Variants in TENM1 observed in about 807,000 individuals in gnomAD.
TENM1 encodes teneurin-1.
In TENM1, 35 loss-of-function variants were observed where a neutral mutation model predicts 174.8. The observed-to-expected ratio is 0.20, with a 90% confidence interval of 0.15 to 0.27. The LOEUF is 0.27. Ranked by LOEUF, TENM1 falls within the 10% of genes least tolerant of loss-of-function variation. The pLI is 1.00. For missense variants in TENM1, 1,633 were observed against 2,130.1 expected, an observed-to-expected ratio of 0.77 and a Z score of 4.59; for synonymous variants, 781 against 798.7, an observed-to-expected ratio of 0.98 and a Z score of 0.37.
the TENM1 span, among the ~76,000 whole-genome samples, chrX:125,187,211 G>A: frequency 4.4e-5 from 5 of 112,512 alleles, no homozygotes; most frequent in African/African-American, 1.6e-4. Flanking sequence ...AGTGAGCTGA[G>A]ATTGCGCTGT....
chrX:124,975,404 A>G, the TENM1 span, among the ~76,000 whole-genome samples: 1 of 112,040 alleles, frequency 8.9e-6, no homozygotes, highest in Non-Finnish European at 1.9e-5. Flanking sequence ...TAATTTTAGC[A>G]TTAAAGTACT....
intron 3 of TENM1, among the ~76,000 whole-genome samples, chrX:124,878,818 C>T (rs745389486): frequency 1.8e-5 from 2 of 111,487 alleles, no homozygotes; most frequent in Admixed American, 1.9e-4. Context: ...GTTGTCATCC[C>T]CTCATGGCCA....
At chrX:124,812,942 G>T (rs999972838) in intron 3 of TENM1, among the ~76,000 whole-genome samples, 1 of 110,016 alleles carries the variant, frequency 9.1e-6, no homozygotes, top group Admixed American at 9.7e-5. Context: ...TCCAGGAGGG[G>T]CATTTTTAAA....
At chrX:124,453,277 A>T (rs1279058721) in intron 23 of TENM1, 60 bp downstream of exon 26, 4 of 1,080,843 alleles carry the variant, frequency 3.7e-6, no homozygotes, top group Non-Finnish European at 5.0e-6. Context: ...ACATGAGAAA[A>T]TTGTTATCCA....
intron 1 of TENM1, among the ~76,000 whole-genome samples, chrX:124,932,075 T>C (rs2058181399): frequency 8.9e-6 from 1 of 111,777 alleles, no homozygotes; most frequent in Non-Finnish European, 1.9e-5. Context: ...AGAGAATATT[T>C]AAGGCCAATG....
chrX:124,748,972 G>A (rs757882034), intron 3 of TENM1, among the ~76,000 whole-genome samples: 1 of 111,609 alleles, frequency 9.0e-6, no homozygotes, highest in East Asian at 2.8e-4. Flanking sequence ...TGAGCTCAAT[G>A]AAATCTATAA....
chrX:124,974,888 C>CTA, the TENM1 span, among the ~76,000 whole-genome samples: 87 of 72,747 alleles, frequency 1.2e-3, 12 homozygotes, highest in South Asian at 0.04. Context: ...GGGACTGACA[C>CTA]TATATATATA....
intron 3 of TENM1, among the ~76,000 whole-genome samples, chrX:124,823,628 T>C (rs1337561816): frequency 9.0e-6 from 1 of 111,036 alleles, no homozygotes; most frequent in Non-Finnish European, 1.9e-5. Context: ...GTGAGTATAC[T>C]ACTCTTATAG....
chrX:124,645,167 A>G, exon 10 of TENM1: 1 of 1,210,878 alleles, frequency 8.3e-7, no homozygotes. Context: ...TCTCCTTTGT[A>G]TCCTGGCACA....
At chrX:124,917,490 A>C in intron 1 of TENM1, among the ~76,000 whole-genome samples, 1 of 111,383 alleles carries the variant, frequency 9.0e-6, no homozygotes, top group Middle Eastern at 4.6e-3. Flanking sequence ...AACCCCACAT[A>C]GACTTCCTGC....
At chrX:124,900,556 C>A (rs975753042) in intron 1 of TENM1, among the ~76,000 whole-genome samples, 1 of 111,148 alleles carries the variant, frequency 9.0e-6, no homozygotes, top group African/African-American at 3.3e-5. Flanking sequence ...TTCAATTATA[C>A]CCCTACAAAG....
rs2076162 is a variant in TENM1, at chrX:124,391,833, T to A, written c.5688+219A>T. Among the ~76,000 whole-genome samples, 14,345 of 111,532 alleles carry A rather than the reference T, an allele frequency of 0.13. 751 individuals carry two copies. Among genetic ancestry groups the A allele is most frequent in the East Asian group, 0.31 (1,106 of 3,512 alleles). On this transcript the variant is annotated intron_variant, in intron 28 of 31. Transcript: ENST00000422452. ...AGCTAAGCCGTTATTCTGACTTTAG[T>A]CTGAAAGAGTACTTGGCAGAGTCTG...
chrX:124,592,782 TAATTTCCC>T (rs1387141895), intron 11 of TENM1, among the ~76,000 whole-genome samples: 2 of 106,765 alleles, frequency 1.9e-5, no homozygotes, highest in Non-Finnish European at 3.9e-5. Flanking sequence ...TTGGTTTGTT[TAATTTCCC>T]TTTCCTTTTC....
At chrX:125,054,917 C>CA in the TENM1 span, among the ~76,000 whole-genome samples, 1 of 111,831 alleles carries the variant, frequency 8.9e-6, no homozygotes, top group Non-Finnish European at 1.9e-5. Context: ...GGAAGCATAA[C>CA]ATGCATGCCA....
chrX:124,999,141 A>G, the TENM1 span, among the ~76,000 whole-genome samples: 1 of 111,182 alleles, frequency 9.0e-6, no homozygotes, highest in African/African-American at 3.3e-5. Context: ...CTTTCAAATC[A>G]ATAATAGCTT....
chrX:125,023,057 T>A, the TENM1 span, among the ~76,000 whole-genome samples: 1 of 111,311 alleles, frequency 9.0e-6, no homozygotes, highest in Non-Finnish European at 1.9e-5. Flanking sequence ...GTTTTCAGCA[T>A]AGACCCCTGC....
At chrX:124,501,695 A>G (rs965681786) in intron 19 of TENM1, among the ~76,000 whole-genome samples, 3 of 111,684 alleles carry the variant, frequency 2.7e-5, no homozygotes, top group African/African-American at 9.7e-5. Context: ...GTCAGAAAAG[A>G]CTGTCTGACC....
chrX:125,039,709 T>A, the TENM1 span, among the ~76,000 whole-genome samples: 1 of 111,401 alleles, frequency 9.0e-6, no homozygotes, highest in Non-Finnish European at 1.9e-5. Flanking sequence ...TTAGATTAAA[T>A]TGCAGTTTAT....
chrX:125,144,741 A>AT, the TENM1 span, among the ~76,000 whole-genome samples: 465 of 94,800 alleles, frequency 4.9e-3, 6 homozygotes, highest in African/African-American at 0.013. Context: ...GGTGCTCATA[A>AT]TTTTTTTTTT....
Sources: gnomAD v4.1 joint callset for allele counts (sites outside exome capture counted in the v4.1 genomes callset) on GRCh38, gnomAD v4.1.1 for gene constraint, MANE v1.5 for transcripts, NCBI Gene and HGNC (gene_info 2026-07-23, HGNC 2026-07-21) for gene names.